Variants in COPG2 observed in about 807,000 individuals in gnomAD.
The protein encoded by COPG2 is coat protein complex I subunit gamma 2.
A neutral mutation model predicts 46.3 loss-of-function variants in COPG2; 37 were observed. The observed-to-expected ratio is 0.80, with a 90% CI of 0.61 to 1.05. The LOEUF (loss-of-function observed/expected upper bound fraction) is 1.05. Ranked by LOEUF, COPG2 falls within the 50% of genes least tolerant of loss-of-function variation. The pLI is 0.00. For synonymous variants in COPG2, 159 were observed against 129.7 expected, an observed-to-expected ratio of 1.23 and a Z score of -1.53; for missense variants, 427 against 387.8, an observed-to-expected ratio of 1.10 and a Z score of -0.85.
Position 130,550,613 on chromosome 7 carries a change from A to G in COPG2, c.1685T>C (p.Leu562Ser). ...TVSVPGMEKA[L>S]HQYTLEPSEK... ...TGAAGGCTCCAACGTGTACTGGTGT[A>G]AGGCTTTTTCCATCCCTGGTACAGA... Residue 562 changes from leucine to serine, a missense_variant, in exon 17 of 24, where the codon TTA (leucine) becomes TCA (serine). Coordinates refer to ENST00000425248, the MANE Select transcript of COPG2 (RefSeq NM_012133.6). The G allele has an allele frequency of 2.5e-6, 1 of 398,112 alleles. No individual in the cohort carries two copies. The highest frequency in any genetic ancestry group is 4.4e-6 in the Non-Finnish European group (1 of 225,790). 24.7% of individuals were successfully genotyped at this position (398,112 alleles called of 1,614,324 possible). A position where few individuals can be genotyped will look rare whatever the true frequency, so the allele number is the denominator to read the frequency against.
At chr7:130,552,115 G>A (rs1226811238) in intron 15 of COPG2, among the ~76,000 whole-genome samples, 4 of 152,100 alleles carry the variant, frequency 2.6e-5, no homozygotes, top group Non-Finnish European at 5.9e-5. Flanking sequence ...AAACATGTAG[G>A]CTATTGTGTA....
chr7:130,634,704 T>C (rs906035676), intron 5 of COPG2, among the ~76,000 whole-genome samples: 2 of 152,106 alleles, frequency 1.3e-5, no homozygotes, highest in Admixed American at 6.6e-5. Flanking sequence ...CCTTTATTGC[T>C]TTCTCTTGCT....
intron 5 of COPG2, among the ~76,000 whole-genome samples, chr7:130,621,710 C>T (rs1013114037): frequency 2.6e-5 from 4 of 151,716 alleles, no homozygotes; most frequent in East Asian, 1.9e-4. Flanking sequence ...TTTGGGAGGC[C>T]GAAGCGGGTG....
chr7:130,507,048 G>C (rs1484840362), intron 23 of COPG2, among the ~76,000 whole-genome samples: 1 of 152,196 alleles, frequency 6.6e-6, no homozygotes, highest in Non-Finnish European at 1.5e-5. Flanking sequence ...AGGAATGTTG[G>C]TGGTGGCCTT....
chr7:130,627,767 C>T (rs976687166), intron 5 of COPG2, among the ~76,000 whole-genome samples: 2 of 10,590 alleles, frequency 1.9e-4, no homozygotes, highest in Non-Finnish European at 4.0e-4. Flanking sequence ...TTTGGGGATG[C>T]GGGGGGTGGG....
At chr7:130,538,230 G>A (rs1248598358) in intron 20 of COPG2, among the ~76,000 whole-genome samples, 31 of 152,130 alleles carry the variant, frequency 2.0e-4, no homozygotes, top group Admixed American at 1.6e-3. Flanking sequence ...AAACAGTGGT[G>A]CAGGAATTAA....
intron 5 of COPG2, among the ~76,000 whole-genome samples, chr7:130,626,515 C>T (rs180987245): frequency 1.3e-5 from 2 of 151,414 alleles, no homozygotes; most frequent in Admixed American, 1.3e-4. Flanking sequence ...TCCCAAAGTG[C>T]TGGGATTACA....
intron 5 of COPG2, among the ~76,000 whole-genome samples, chr7:130,624,668 A>T (rs529150904): frequency 1.6e-4 from 25 of 152,214 alleles, no homozygotes; most frequent in Non-Finnish European, 2.9e-4. Flanking sequence ...AACATACGAT[A>T]CTTGGTTTTC....
chr7:130,657,456 CGTT>C (rs1795879284), intron 4 of COPG2, among the ~76,000 whole-genome samples: 1 of 152,026 alleles, frequency 6.6e-6, no homozygotes, highest in Non-Finnish European at 1.5e-5. Flanking sequence ...AGGAGAAAAT[CGTT>C]GTCCCCTTCG....
intron 5 of COPG2, among the ~76,000 whole-genome samples, chr7:130,650,439 A>G (rs1308981675): frequency 1.3e-5 from 2 of 152,264 alleles, no homozygotes; most frequent in African/African-American, 4.8e-5. Context: ...TGACAGCGCT[A>G]AAAGAAACAA....
chr7:130,535,263 C>A (rs1799867343), intron 20 of COPG2, among the ~76,000 whole-genome samples: 1 of 152,084 alleles, frequency 6.6e-6, no homozygotes, highest in South Asian at 2.1e-4. Flanking sequence ...AGGGGAAAGG[C>A]TTCAAGAAAG....
At chr7:130,514,649 A>C (rs1799663831) in intron 20 of COPG2, among the ~76,000 whole-genome samples, 1 of 152,182 alleles carries the variant, frequency 6.6e-6, no homozygotes, top group Admixed American at 6.5e-5. Context: ...GGTAACAAGG[A>C]GAAAAGGAAT....
intron 20 of COPG2, among the ~76,000 whole-genome samples, chr7:130,517,812 A>G (rs1478507754): frequency 6.6e-6 from 1 of 152,238 alleles, no homozygotes; most frequent in Non-Finnish European, 1.5e-5. Context: ...TGTTAATTAG[A>G]GCAGGGTTCT....
At chr7:130,607,827 T>G in intron 9 of COPG2, 1 of 519,334 alleles carries the variant, frequency 1.9e-6, no homozygotes, top group South Asian at 1.4e-5. Flanking sequence ...CAGAATGCCC[T>G]CAGGAGAATA....
At chr7:130,661,115 A>T (rs1375655425) in intron 4 of COPG2, among the ~76,000 whole-genome samples, 1 of 152,254 alleles carries the variant, frequency 6.6e-6, no homozygotes, top group African/African-American at 2.4e-5. Flanking sequence ...TAACTTCAAC[A>T]GGCTATTAGT....
intron 9 of COPG2, among the ~76,000 whole-genome samples, chr7:130,567,808 G>A (rs1793828349): frequency 6.6e-6 from 1 of 152,110 alleles, no homozygotes; most frequent in African/African-American, 2.4e-5. Context: ...AACTGTAGAA[G>A]GAGTCCTAAA....
rs922723518 is a variant in COPG2 at position 130,522,773 on chromosome 7, T to C, written c.2150-14114A>G. On this transcript the variant is annotated intron_variant, in intron 20 of 23. Transcript: ENST00000425248. ...AAGTATAAAAAGCACATGAAAGAAGTAGTAAAAAAACGAACAAACAAAAAC... is the reference window on the plus strand; with the variant it reads ...AAGTATAAAAAGCACATGAAAGAAGCAGTAAAAAAACGAACAAACAAAAAC... 1.2e-3 allele frequency among the ~76,000 whole-genome samples: 184 copies of C among 151,392 alleles called. 1 individual carries two copies. Among genetic ancestry groups the C allele is most frequent in the African/African-American group, 4.1e-3 (171 of 41,208 alleles).
At chr7:130,607,511 G>A in intron 9 of COPG2, 1 of 428,994 alleles carries the variant, frequency 2.3e-6, no homozygotes. Context: ...AGCTTGGCTG[G>A]GATCAAACTC....
chr7:130,587,026 G>T (rs1794287379), intron 9 of COPG2, among the ~76,000 whole-genome samples: 1 of 151,784 alleles, frequency 6.6e-6, no homozygotes, highest in Non-Finnish European at 1.5e-5. Context: ...ATACCATTCA[G>T]CTGGGCGTGG....
Sources: gnomAD v4.1 joint callset for allele counts (sites outside exome capture counted in the v4.1 genomes callset) on GRCh38, gnomAD v4.1.1 for gene constraint, MANE v1.5 for transcripts, NCBI Gene and HGNC (gene_info 2026-07-23, HGNC 2026-07-21) for gene names.